The following NUDT9 variants were observed in gnomAD, a reference collection of about 807,000 sequenced individuals.
The protein encoded by NUDT9 is ADP-ribose pyrophosphatase.
A neutral mutation model predicts 41.0 loss-of-function variants in NUDT9; 31 were observed. The observed-to-expected ratio is 0.76, with a 90% CI of 0.57 to 1.02. The LOEUF is 1.02. NUDT9 is among the 50% of genes least tolerant of loss of function. The pLI is 0.00. For missense variants in NUDT9, 380 were observed against 431.4 expected (o/e 0.88, Z 1.06); for synonymous variants, 146 against 147.6 (o/e 0.99, Z 0.08).
chr4:87,440,313 A>T (rs755962352), intron 3 of NUDT9, among the ~76,000 whole-genome samples: 15 of 152,240 alleles, frequency 9.9e-5, no homozygotes, highest in Non-Finnish European at 1.5e-4. Flanking sequence ...TGAGGAAAAG[A>T]TGGAATTCGA....
intron 7 of NUDT9, among the ~76,000 whole-genome samples, chr4:87,457,642 A>C (rs1357041117): frequency 2.0e-5 from 3 of 152,172 alleles, no homozygotes; most frequent in Non-Finnish European, 4.4e-5. Context: ...ACTTGGTTAA[A>C]ATTTGGACAT....
rs1434252595 is a variant in NUDT9, at chr4:87,441,888, A to C, written c.503A>C (p.Asn168Thr). 3 of 1,613,150 alleles carry C rather than the reference A, an allele frequency of 1.9e-6. No homozygotes were observed. The highest frequency in any genetic ancestry group is 1.3e-5 in the African/African-American group (1 of 74,854). The change falls in exon 4 of 8, where the codon AAT becomes ACT. Residue 168 changes from asparagine to threonine, a missense_variant. By Grantham distance (65) the Asn-to-Thr change is moderately conservative (BLOSUM62 0). Coordinates refer to ENST00000302174, the MANE Select transcript of NUDT9 (RefSeq NM_024047.5). The stretch of plus-strand genomic sequence containing the variant: ...GGGCTTTTGGGGCGATGGGGCCCAA[A>C]TCACGCTGCAGATCCCATTATAACC... ...GRGLLGRWGPNHAADPIITRW... is the reference protein window; with the variant it reads ...GRGLLGRWGPTHAADPIITRW...
Position 87,422,693 on chromosome 4 carries a change from T to C in NUDT9, c.-213T>C. ...ACGTGCTGGTCTGGATTTTTCTCGA[T>C]GCACTGGGGAAAGCGGTGGACTCTT... On this transcript the variant is annotated 5_prime_UTR_variant, in exon 1 of 8. It removes an upstream start codon present in the reference 5' UTR. Transcript: ENST00000302174. The C allele has an allele frequency of 7.1e-6, 3 of 421,146 alleles. No homozygotes were observed. The highest frequency in any genetic ancestry group is 8.4e-6 in the Non-Finnish European group (2 of 238,182). 26.1% of individuals were successfully genotyped at this position (421,146 alleles called of 1,614,324 possible). A position where few individuals can be genotyped will look rare whatever the true frequency, so the allele number is the denominator to read the frequency against.
At chr4:87,454,083 G>A (rs998244265) in intron 6 of NUDT9, among the ~76,000 whole-genome samples, 1 of 151,194 alleles carries the variant, frequency 6.6e-6, no homozygotes, top group Admixed American at 6.6e-5. Flanking sequence ...GGCTGGTCTC[G>A]AACTCCTGAC....
chr4:87,446,568 C>T (rs998817187), intron 4 of NUDT9, among the ~76,000 whole-genome samples: 1 of 152,068 alleles, frequency 6.6e-6, no homozygotes, highest in African/African-American at 2.4e-5. Context: ...AAACATTCTG[C>T]TTGTTCAGTT....
rs200414994 is a variant in NUDT9, at chr4:87,431,658, A to G, written c.108-3323A>G. ...ATTCCTAAGTATTTTATTCTTTTCTATGCTATTGTAAGTAGAATTTTCTTA... is the reference window on the plus strand; with the variant it reads ...ATTCCTAAGTATTTTATTCTTTTCTGTGCTATTGTAAGTAGAATTTTCTTA... On this transcript the variant is annotated intron_variant, in intron 1 of 7. Coordinates refer to ENST00000302174, the MANE Select transcript of NUDT9 (RefSeq NM_024047.5). Among the ~76,000 whole-genome samples, 8 of 152,132 alleles carry G rather than the reference A, an allele frequency of 5.3e-5. No homozygotes were observed. In the South Asian group the frequency reaches 6.2e-4, roughly 12 times the overall value.
At chr4:87,435,824 A>G (rs1483477841) in intron 2 of NUDT9, among the ~76,000 whole-genome samples, 1 of 152,212 alleles carries the variant, frequency 6.6e-6, no homozygotes, top group Non-Finnish European at 1.5e-5. Context: ...ATTGACAAGT[A>G]ACTATATATA....
intron 1 of NUDT9, among the ~76,000 whole-genome samples, chr4:87,429,118 C>T (rs1721565308): frequency 6.6e-6 from 1 of 152,052 alleles, no homozygotes; most frequent in Non-Finnish European, 1.5e-5. Context: ...GGAAGCAGTT[C>T]TTGTAAGTCA....
chr4:87,437,132 C>T (rs1007192443), intron 2 of NUDT9, among the ~76,000 whole-genome samples: 1 of 151,338 alleles, frequency 6.6e-6, no homozygotes, highest in African/African-American at 2.4e-5. Flanking sequence ...TTCCTGTAGT[C>T]CCAGCTACTC....
At chr4:87,450,887 C>G (rs143266578) in intron 5 of NUDT9, among the ~76,000 whole-genome samples, 173 of 152,276 alleles carry the variant, frequency 1.1e-3, no homozygotes, top group Middle Eastern at 6.8e-3. Context: ...ATTTTAGACA[C>G]TGAGAATACA....
chr4:87,442,502 T>TA (rs1465058148), intron 4 of NUDT9, among the ~76,000 whole-genome samples: 3 of 152,202 alleles, frequency 2.0e-5, no homozygotes, highest in Non-Finnish European at 4.4e-5. Flanking sequence ...ACCAAATTTA[T>TA]AAAAAATATT....
chr4:87,443,640 C>A (rs1454820279), intron 4 of NUDT9, among the ~76,000 whole-genome samples: 2 of 152,158 alleles, frequency 1.3e-5, no homozygotes, highest in African/African-American at 4.8e-5. Flanking sequence ...TGGGTCATGA[C>A]TGTGGTAAAC....
chr4:87,436,090 C>T (rs1386316891), intron 2 of NUDT9, among the ~76,000 whole-genome samples: 2 of 152,124 alleles, frequency 1.3e-5, no homozygotes, highest in African/African-American at 4.8e-5. Context: ...AACTCCTGGG[C>T]TCAGGTGATT....
chr4:87,447,862 CCA>C (rs1404600609), intron 4 of NUDT9, among the ~76,000 whole-genome samples: 1 of 151,602 alleles, frequency 6.6e-6, no homozygotes, highest in Non-Finnish European at 1.5e-5. Flanking sequence ...GCAGGAGACC[CCA>C]TTTGTAAAAC....
intron 1 of NUDT9, among the ~76,000 whole-genome samples, chr4:87,428,676 C>T (rs1721540693): frequency 6.6e-6 from 1 of 152,044 alleles, no homozygotes; most frequent in African/African-American, 2.4e-5. Flanking sequence ...ACTATGGAGA[C>T]AGTAAAAAGA....
chr4:87,433,853 G>T (rs1262757401), intron 1 of NUDT9, among the ~76,000 whole-genome samples: 1 of 151,892 alleles, frequency 6.6e-6, no homozygotes, highest in Non-Finnish European at 1.5e-5. Context: ...TGCTCTAAAG[G>T]TTACAATTTG....
At chr4:87,428,847 C>T (rs575744023) in intron 1 of NUDT9, among the ~76,000 whole-genome samples, 1 of 152,192 alleles carries the variant, frequency 6.6e-6, no homozygotes. Context: ...TCAACATCCC[C>T]ACAGAGCCAC....
In NUDT9 at chr4:87,438,333, G is replaced by C. The variant is rs770273922; in HGVS notation, c.404G>C (p.Ser135Thr). 2 of 1,611,766 alleles carry C rather than the reference G, an allele frequency of 1.2e-6. No individual in the cohort carries two copies. Among genetic ancestry groups the C allele is most frequent in the East Asian group, 4.5e-5 (2 of 44,788 alleles). Residue 135 changes from serine (S) to threonine (T), a missense_variant, in exon 3 of 8, where the codon AGC becomes ACC. Ser to Thr is a moderately conservative substitution (Grantham distance 58). Transcript: ENST00000302174. ...NEKDGHVERK[S>T]KNGLYEIENG... is the part of the protein sequence containing the mutation. ...AAGGATGGGCATGTTGAGAGAAAGA[G>C]CAAGAATGGCCTGTATGAGATTGAA...
intron 1 of NUDT9, among the ~76,000 whole-genome samples, chr4:87,433,350 T>TA (rs1397145551): frequency 2.6e-5 from 4 of 152,220 alleles, no homozygotes; most frequent in African/African-American, 9.7e-5. Context: ...TTCATGACCT[T>TA]ACCAATTTAG....
Sources: allele counts gnomAD v4.1 joint callset (sites outside exome capture counted in the v4.1 genomes callset), GRCh38; gene constraint gnomAD v4.1.1; transcripts MANE v1.5; gene names NCBI Gene and HGNC (gene_info 2026-07-23, HGNC 2026-07-21).